Variants in PCM1 observed in about 807,000 individuals in gnomAD.
PCM1 encodes the protein pericentriolar material 1 protein.
PCM1 carries 157 observed loss-of-function variants against 241.9 expected under a neutral mutation model. The ratio of observed to expected loss-of-function variants is 0.65; its 90% CI spans 0.57 to 0.74. The LOEUF (loss-of-function observed/expected upper bound fraction) is 0.74. Ranked by LOEUF, PCM1 falls within the 30% of genes least tolerant of loss-of-function variation. The pLI, the probability that PCM1 is intolerant of heterozygous loss-of-function variation, is 0.00. For synonymous variants in PCM1, 1,085 were observed against 784.9 expected, an observed-to-expected ratio of 1.38 and a Z score of -6.39; for missense variants, 3,478 against 2,360.1, an observed-to-expected ratio of 1.47 and a Z score of -9.81.
chr8:17,941,526 G>GTT (rs918120419), intron 6 of PCM1, among the ~76,000 whole-genome samples: 1 of 142,464 alleles, frequency 7.0e-6, no homozygotes. Flanking sequence ...ATTGATTTTT[G>GTT]TTTTTTTTTT....
chr8:17,969,559 A>T lies in PCM1; in HGVS notation c.3413-18A>T, dbSNP rs771025147. The T allele has an allele frequency of 6.5e-7, 1 of 1,532,312 alleles. No individual in the cohort carries two copies. The highest frequency in any genetic ancestry group is 1.4e-5 in the African/African-American group (1 of 71,130). 94.9% of individuals were successfully genotyped at this position (1,532,312 alleles called of 1,614,324 possible). On this transcript the variant is annotated intron_variant, in intron 21 of 38. Coordinates refer to ENST00000325083, the MANE Select transcript of PCM1 (RefSeq NM_006197.4). ...ACATTTATTTATTTTTCTCTTACCC[A>T]TTGCTTTTACTGATTAGGTATGAAT...
intron 29 of PCM1, among the ~76,000 whole-genome samples, chr8:17,996,082 G>A (rs779623206): frequency 6.6e-6 from 1 of 152,158 alleles, no homozygotes; most frequent in Non-Finnish European, 1.5e-5. Flanking sequence ...TTGAATAACA[G>A]TGGTGAAAGT....
intron 8 of PCM1, 104 bp downstream of exon 8, chr8:17,950,828 A>G: frequency 1.4e-6 from 1 of 730,734 alleles, no homozygotes; most frequent in Non-Finnish European, 2.4e-6. Context: ...ATGATTGTTG[A>G]GCAGTGTAGG....
chr8:17,960,852 C>T (rs1350538465), intron 15 of PCM1, among the ~76,000 whole-genome samples: 9 of 151,854 alleles, frequency 5.9e-5, no homozygotes, highest in South Asian at 2.1e-4. Context: ...AGAATTATAT[C>T]TAGTAATTTT....
In PCM1 at chr8:18,025,417, T is replaced by TG; in HGVS notation, c.5899dup (p.Glu1967GlyfsTer31). ...CTGATGAAGAAGATTTTGTAAAAGT[T>TG]GAAGATTTACCACTGAAACTGACAA... is the stretch of plus-strand genomic sequence containing the variant. On this transcript the variant is annotated frameshift_variant, in exon 37 of 39. Transcript: ENST00000325083. LOFTEE classifies it high-confidence loss of function. 1 of 1,605,010 alleles carries TG rather than the reference T, an allele frequency of 6.2e-7. No individual in the cohort carries two copies. Among genetic ancestry groups the TG allele is most frequent in the Non-Finnish European group, 8.5e-7 (1 of 1,173,804 alleles).
Position 17,947,774 on chromosome 8 carries a change from A to G in PCM1, c.961+411A>G, listed in dbSNP as rs114240985. Among the ~76,000 whole-genome samples the G allele has an allele frequency of 4.9e-3, 750 of 152,324 alleles. 7 individuals are homozygous for G. Among genetic ancestry groups the G allele is most frequent in the African/African-American group, 0.016 (655 of 41,574 alleles). Reference sequence around the variant, plus strand: ...TAAGTGAGGCAGTGAGTAAATTTATAAAGTGTCTTTAACCTTCAAGGTTAG... The same window carrying G: ...TAAGTGAGGCAGTGAGTAAATTTATGAAGTGTCTTTAACCTTCAAGGTTAG... On this transcript the variant is annotated intron_variant, in intron 7 of 38. Transcript: ENST00000325083.
chr8:17,958,494 C>T (rs1202349327), intron 13 of PCM1, among the ~76,000 whole-genome samples: 1 of 151,800 alleles, frequency 6.6e-6, no homozygotes, highest in East Asian at 1.9e-4. Flanking sequence ...CAAAATATGC[C>T]TACACTTATA....
rs547331477 is a variant in PCM1, at chr8:17,997,871, CAAAAA to C, written c.4827+4263_4827+4267del. On this transcript the variant is annotated intron_variant, in intron 29 of 38. Transcript: ENST00000325083. ...GAAACCCCGCCTCTACTACAACATACAAAAAAAAAAAAAAAGTAGCTGGACATGGT... is the reference window on the plus strand; with the variant it reads ...GAAACCCCGCCTCTACTACAACATACAAAAAAAAAAGTAGCTGGACATGGT... Among the ~76,000 whole-genome samples, 3 of 116,044 alleles carry C rather than the reference CAAAAA, an allele frequency of 2.6e-5. No homozygotes were observed. The Admixed American group carries it at 2.6e-4, about 10-fold the overall frequency. 76.1% of individuals were successfully genotyped at this position (116,044 alleles called of 152,430 possible).
At chr8:17,930,942 C>T (rs183120081) in intron 2 of PCM1, among the ~76,000 whole-genome samples, 10 of 152,036 alleles carry the variant, frequency 6.6e-5, no homozygotes, top group African/African-American at 2.4e-4. Flanking sequence ...AATAGTTTTA[C>T]TTTTTAAAGG....
At chr8:17,993,018 A>G (rs187733458) in intron 28 of PCM1, among the ~76,000 whole-genome samples, 7 of 151,480 alleles carry the variant, frequency 4.6e-5, no homozygotes, top group African/African-American at 1.5e-4. Context: ...GTAGTTTACA[A>G]AGACTTTCTC....
chr8:18,010,424 A>G (rs1013055949), intron 31 of PCM1, among the ~76,000 whole-genome samples, 185 bp from the exon 32 acceptor site: 13 of 152,234 alleles, frequency 8.5e-5, no homozygotes, highest in African/African-American at 3.1e-4. Flanking sequence ...ATATAAATAA[A>G]TTTCAGACGT....
intron 36 of PCM1, among the ~76,000 whole-genome samples, chr8:18,017,521 T>C (rs2093340250): frequency 1.3e-5 from 2 of 152,196 alleles, no homozygotes; most frequent in East Asian, 1.9e-4. Context: ...CTAATGGACC[T>C]ACCTGTGTTG....
chr8:18,001,027 T>G (rs1228201232), intron 29 of PCM1, among the ~76,000 whole-genome samples: 1 of 152,158 alleles, frequency 6.6e-6, no homozygotes, highest in Non-Finnish European at 1.5e-5. Context: ...TAAGGTAGAT[T>G]ATAGCATATA....
chr8:18,005,174 T>C (rs989781035), intron 29 of PCM1, among the ~76,000 whole-genome samples: 7 of 152,134 alleles, frequency 4.6e-5, no homozygotes, highest in Admixed American at 6.6e-5. Flanking sequence ...TAAAAATATT[T>C]ATTTATTCAG....
chr8:17,923,474 G>T (rs2055399718), intron 1 of PCM1, among the ~76,000 whole-genome samples: 1 of 152,224 alleles, frequency 6.6e-6, no homozygotes, highest in Non-Finnish European at 1.5e-5. Context: ...CCCTGTCGGG[G>T]AGGCTGTTCT....
At chr8:18,019,536 AGATGGTCATATC>A (rs2093592592) in intron 36 of PCM1, among the ~76,000 whole-genome samples, 1 of 152,194 alleles carries the variant, frequency 6.6e-6, no homozygotes, top group African/African-American at 2.4e-5. Flanking sequence ...TCCTGAAACT[AGATGGTCATATC>A]TGGGGATGAT....
At chr8:18,006,461 G>T in intron 30 of PCM1, 64 bp downstream of exon 30, 1 of 1,090,758 alleles carries the variant, frequency 9.2e-7, no homozygotes, top group Non-Finnish European at 1.4e-6. Context: ...TTTTCGGGGG[G>T]TGGGTGAGGC....
intron 36 of PCM1, among the ~76,000 whole-genome samples, chr8:18,018,867 TATATATATATATACACAC>T (rs2093493953): frequency 1.5e-5 from 1 of 66,242 alleles, no homozygotes; most frequent in Non-Finnish European, 3.4e-5. Flanking sequence ...TATATATATA[TATATATATATATACACAC>T]ACATATACAT....
rs1242973932 is a variant in PCM1 at position 18,029,529 on chromosome 8, G to A, written c.*1867G>A. 2 of 211,892 alleles carry A rather than the reference G, an allele frequency of 9.4e-6. No individual in the cohort carries two copies. Among genetic ancestry groups the A allele is most frequent in the African/African-American group, 2.3e-5 (1 of 44,184 alleles). 13.1% of individuals were successfully genotyped at this position (211,892 alleles called of 1,614,324 possible). On this transcript the variant is annotated 3_prime_UTR_variant, in exon 39 of 39. Coordinates refer to ENST00000325083, the MANE Select transcript of PCM1 (RefSeq NM_006197.4). Reference sequence around the variant, plus strand: ...GCATGCATATTAAAGTGGAAAAATTGTATTTATATCTTAGTTATTACCATA... The same window carrying A: ...GCATGCATATTAAAGTGGAAAAATTATATTTATATCTTAGTTATTACCATA...
Sources: gnomAD v4.1 joint callset for allele counts (sites outside exome capture counted in the v4.1 genomes callset) on GRCh38, gnomAD v4.1.1 for gene constraint, MANE v1.5 for transcripts, NCBI Gene and HGNC (gene_info 2026-07-23, HGNC 2026-07-21) for gene names.